Variants in LAMA2 observed in about 807,000 individuals in gnomAD.
LAMA2 encodes laminin subunit alpha 2.
LAMA2 carries 269 observed loss-of-function variants against 364.8 expected under a neutral mutation model. The observed-to-expected ratio is 0.74, with a 90% CI of 0.67 to 0.82. The LOEUF is 0.82. Ranked by LOEUF, LAMA2 falls within the 40% of genes least tolerant of loss-of-function variation. The pLI, the probability that LAMA2 is intolerant of heterozygous loss-of-function variation, is 0.00. For synonymous variants in LAMA2, 1,379 were observed against 1,370.6 expected, an observed-to-expected ratio of 1.01 and a Z score of -0.14; for missense variants, 3,807 against 3,873.2, an observed-to-expected ratio of 0.98 and a Z score of 0.45.
At chr6:129,175,323 A>G (rs1780509079) in intron 9 of LAMA2, among the ~76,000 whole-genome samples, 2 of 152,218 alleles carry the variant, frequency 1.3e-5, no homozygotes, top group Non-Finnish European at 2.9e-5. Context: ...CTCATCTGTG[A>G]AACAGGAAAA....
Position 129,368,944 on chromosome 6 carries a change from T to A in LAMA2, c.4861-948T>A, listed in dbSNP as rs1302250372. Among the ~76,000 whole-genome samples, 7 of 152,198 alleles carry A rather than the reference T, an allele frequency of 4.6e-5. No homozygotes were observed. The South Asian group carries it at 1.2e-3, about 27-fold the overall frequency. On this transcript the variant is annotated intron_variant, in intron 33 of 64. Transcript: ENST00000421865. ...TGGAACAAAGTGGGATTTATTAACT[T>A]GTTGCAACAAGGGGCACTGAACACC...
At chr6:129,380,215 G>T (rs1778602439) in intron 34 of LAMA2, among the ~76,000 whole-genome samples, 1 of 152,136 alleles carries the variant, frequency 6.6e-6, no homozygotes, top group South Asian at 2.1e-4. Context: ...AGCTGGATTT[G>T]TTTTGGATAA....
intron 29 of LAMA2, among the ~76,000 whole-genome samples, chr6:129,330,922 G>T (rs1332896598): frequency 1.3e-5 from 2 of 151,498 alleles, no homozygotes; most frequent in Non-Finnish European, 2.9e-5. Flanking sequence ...AGGCTGGAGT[G>T]CAGTGACGCG....
At chr6:129,319,229 G>T (rs3798660) in intron 27 of LAMA2, among the ~76,000 whole-genome samples, 1 of 152,100 alleles carries the variant, frequency 6.6e-6, no homozygotes, top group African/African-American at 2.4e-5. Context: ...AAGAAATTTG[G>T]GATAGTAGTA....
intron 1 of LAMA2, among the ~76,000 whole-genome samples, chr6:128,996,189 AG>A (rs555849512): frequency 1.1e-4 from 17 of 152,248 alleles, no homozygotes; most frequent in South Asian, 1.0e-3. Context: ...CTGTGCATGG[AG>A]GTGACATCTT....
At chr6:129,063,213 A>G (rs1331213629) in intron 3 of LAMA2, among the ~76,000 whole-genome samples, 1 of 152,104 alleles carries the variant, frequency 6.6e-6, no homozygotes, top group Non-Finnish European at 1.5e-5. Flanking sequence ...TACAGCTATT[A>G]AAAGGATCTA....
Position 129,516,485 on chromosome 6 carries a change from T to TAA in LAMA2, c.*139_*140dup. On this transcript the variant is annotated 3_prime_UTR_variant, in exon 65 of 65. Transcript: ENST00000421865. ...AATTCTTTCTGTATTCAGATGGTGCTAATTCAGACTCCAGACTGAATTTTA... is the reference window on the plus strand; with the variant it reads ...AATTCTTTCTGTATTCAGATGGTGCTAAAATTCAGACTCCAGACTGAATTTTA... 2 of 817,412 alleles carry TAA rather than the reference T, an allele frequency of 2.4e-6. No individual in the cohort carries two copies. The highest frequency in any genetic ancestry group is 4.1e-6 in the Non-Finnish European group (2 of 491,214). The allele number at this position is 817,412 out of a possible 1,614,324, so 50.6% of individuals were successfully genotyped here.
At chr6:129,028,827 A>G (rs1786021202) in intron 1 of LAMA2, among the ~76,000 whole-genome samples, 1 of 151,848 alleles carries the variant, frequency 6.6e-6, no homozygotes. Flanking sequence ...TTATTTTAAT[A>G]TTTCATTACA....
At chr6:129,124,892 G>T (rs1423436023) in intron 4 of LAMA2, among the ~76,000 whole-genome samples, 4 of 152,168 alleles carry the variant, frequency 2.6e-5, no homozygotes, top group Admixed American at 1.3e-4. Context: ...TGCTCTAGCT[G>T]TGTTGGATTG....
chr6:129,188,116 C>T (rs1781334165), intron 10 of LAMA2, among the ~76,000 whole-genome samples: 1 of 151,812 alleles, frequency 6.6e-6, no homozygotes, highest in African/African-American at 2.4e-5. Flanking sequence ...GATGCACTTA[C>T]CATATTCCAC....
intron 1 of LAMA2, among the ~76,000 whole-genome samples, chr6:129,037,669 T>A (rs1237210109): frequency 1.3e-5 from 2 of 150,668 alleles, no homozygotes; most frequent in Non-Finnish European, 3.0e-5. Context: ...TAATTTAATT[T>A]TTTTTTTTTT....
At chr6:129,033,329 T>C (rs2114737616) in intron 1 of LAMA2, among the ~76,000 whole-genome samples, 1 of 152,310 alleles carries the variant, frequency 6.6e-6, no homozygotes, top group Middle Eastern at 3.4e-3. Context: ...TTTATGTGTG[T>C]TTTATCACTA....
chr6:129,240,670 C>A (rs1296574908), intron 12 of LAMA2, among the ~76,000 whole-genome samples: 1 of 152,180 alleles, frequency 6.6e-6, no homozygotes, highest in African/African-American at 2.4e-5. Flanking sequence ...TATGACTGCT[C>A]CTGGATCGCC....
chr6:129,006,049 C>A (rs1421065505), intron 1 of LAMA2, among the ~76,000 whole-genome samples: 1 of 151,844 alleles, frequency 6.6e-6, no homozygotes, highest in Non-Finnish European at 1.5e-5. Flanking sequence ...TAAACAACAA[C>A]AAGAAAGACC....
chr6:129,041,024 T>G (rs137970641), intron 1 of LAMA2, among the ~76,000 whole-genome samples: 17 of 152,350 alleles, frequency 1.1e-4, no homozygotes, highest in Admixed American at 4.6e-4. Flanking sequence ...TTCACTCATT[T>G]GGAATTATGA....
intron 41 of LAMA2, among the ~76,000 whole-genome samples, chr6:129,437,256 C>G (rs572983605): frequency 6.6e-6 from 1 of 152,206 alleles, no homozygotes; most frequent in South Asian, 2.1e-4. Flanking sequence ...CTCAACTTCT[C>G]TAAGTCTCAA....
At chr6:129,139,283 T>C (rs1202242312) in intron 4 of LAMA2, among the ~76,000 whole-genome samples, 2 of 152,062 alleles carry the variant, frequency 1.3e-5, no homozygotes, top group Non-Finnish European at 2.9e-5. Flanking sequence ...TTCAAACATG[T>C]ACAATCAGAC....
In LAMA2 at chr6:129,393,155, A is replaced by C; in HGVS notation, c.5345A>C (p.Lys1782Thr). ...GAAAAACTGGCTGACTACAAAAACAAAGTTGATGATGCTTGGGACCTTTTG... is the reference window on the plus strand; with the variant it reads ...GAAAAACTGGCTGACTACAAAAACACAGTTGATGATGCTTGGGACCTTTTG... The part of the protein sequence containing the change: ...LREKLADYKN[K>T]VDDAWDLLRE... The change falls in exon 37 of 65, where the codon AAA (lysine) becomes ACA (threonine). Residue 1782 changes from lysine (K) to threonine (T), a missense_variant. Physicochemically the swap from Lys to Thr is moderately conservative, Grantham distance 78. Coordinates refer to ENST00000421865, the MANE Select transcript of LAMA2 (RefSeq NM_000426.4). The C allele has an allele frequency of 6.2e-7, 1 of 1,614,100 alleles. No homozygotes were observed. Among genetic ancestry groups the C allele is most frequent in the Non-Finnish European group, 8.5e-7 (1 of 1,179,952 alleles).
At chr6:129,395,837 C>T (rs1480737716) in intron 37 of LAMA2, among the ~76,000 whole-genome samples, 2 of 152,092 alleles carry the variant, frequency 1.3e-5, no homozygotes, top group African/African-American at 2.4e-5. Flanking sequence ...CTGGGAAAAA[C>T]ATATACAAAG....
Sources: allele counts gnomAD v4.1 joint callset (sites outside exome capture counted in the v4.1 genomes callset), GRCh38; gene constraint gnomAD v4.1.1; transcripts MANE v1.5; gene names NCBI Gene and HGNC (gene_info 2026-07-23, HGNC 2026-07-21).